The following CLSTN1 variants were observed in gnomAD, a reference collection of about 807,000 sequenced individuals.
CLSTN1 encodes calsyntenin-1.
Under a neutral mutation model 108.3 loss-of-function variants are expected in CLSTN1, and 28 were observed. The ratio of observed to expected loss-of-function variants is 0.26; its 90% CI spans 0.19 to 0.35. The LOEUF (loss-of-function observed/expected upper bound fraction) is 0.35, where lower values mean the gene tolerates loss of function less well. CLSTN1 is among the 10% of genes least tolerant of loss of function. The pLI, the probability that CLSTN1 is intolerant of heterozygous loss-of-function variation, is 1.00. For synonymous variants in CLSTN1, 524 were observed against 534.9 expected, an observed-to-expected ratio of 0.98 and a Z score of 0.28; for missense variants, 1,157 against 1,302.6, an observed-to-expected ratio of 0.89 and a Z score of 1.72.
intron 2 of CLSTN1, among the ~76,000 whole-genome samples, chr1:9,766,291 T>TC (rs1652327523): frequency 1.3e-5 from 2 of 152,232 alleles, no homozygotes; most frequent in African/African-American, 4.8e-5. Flanking sequence ...ACAGAATGCA[T>TC]CATCTTCAAG....
At chr1:9,770,998 TAAAAC>T (rs944565104) in intron 2 of CLSTN1, among the ~76,000 whole-genome samples, 10 of 151,566 alleles carry the variant, frequency 6.6e-5, no homozygotes, top group African/African-American at 2.2e-4. Context: ...GTCTCAAAAA[TAAAAC>T]AAAACAAAAT....
chr1:9,758,389 C>A (rs1419046823), intron 2 of CLSTN1, among the ~76,000 whole-genome samples: 1 of 152,116 alleles, frequency 6.6e-6, no homozygotes, highest in Non-Finnish European at 1.5e-5. Flanking sequence ...TCTCAGCTCA[C>A]TGCAACCTCC....
At chr1:9,739,534 C>CA (rs1431279897) in intron 10 of CLSTN1, among the ~76,000 whole-genome samples, 2 of 152,020 alleles carry the variant, frequency 1.3e-5, no homozygotes, top group Non-Finnish European at 2.9e-5. Flanking sequence ...CTCCATGGCA[C>CA]AAAAAAGGGC....
At chr1:9,738,943 C>T (rs1224858854) in intron 10 of CLSTN1, among the ~76,000 whole-genome samples, 7 of 152,148 alleles carry the variant, frequency 4.6e-5, no homozygotes, top group Non-Finnish European at 8.8e-5. Flanking sequence ...TGAGCCACTG[C>T]GCACGGTCAT....
intron 1 of CLSTN1, among the ~76,000 whole-genome samples, chr1:9,777,472 A>G (rs537257989): frequency 2.6e-5 from 4 of 152,194 alleles, no homozygotes; most frequent in African/African-American, 9.6e-5. Context: ...GCAGTGAGCC[A>G]AGATCTCGCC....
At chr1:9,792,077 G>A (rs1234726674) in intron 1 of CLSTN1, among the ~76,000 whole-genome samples, 11 of 150,956 alleles carry the variant, frequency 7.3e-5, no homozygotes, top group Admixed American at 5.4e-4. Context: ...TGCTACTCAG[G>A]AGGCTGGGGC....
intron 1 of CLSTN1, among the ~76,000 whole-genome samples, chr1:9,809,301 C>T (rs1052036432): frequency 6.6e-6 from 1 of 152,220 alleles, no homozygotes; most frequent in African/African-American, 2.4e-5. Context: ...CTGCCTTACT[C>T]GCCTGATGGT....
chr1:9,805,359 C>A (rs1295523672), intron 1 of CLSTN1, among the ~76,000 whole-genome samples: 1 of 152,086 alleles, frequency 6.6e-6, no homozygotes, highest in Admixed American at 6.6e-5. Context: ...AGGACTCCTG[C>A]GGGGGCAGGG....
chr1:9,744,756 C>T, intron 7 of CLSTN1, 113 bp from the exon 8 acceptor site: 1 of 1,046,890 alleles, frequency 9.6e-7, no homozygotes, highest in Non-Finnish European at 1.3e-6. Context: ...CTCCAGTTTA[C>T]TTTTTTTTTT....
At chr1:9,771,138 A>G (rs1003124042) in intron 2 of CLSTN1, among the ~76,000 whole-genome samples, 1 of 152,248 alleles carries the variant, frequency 6.6e-6, no homozygotes, top group African/African-American at 2.4e-5. Context: ...CTGGACTGCA[A>G]TCACTTCTTG....
intron 10 of CLSTN1, among the ~76,000 whole-genome samples, chr1:9,738,429 G>T (rs1442575683): frequency 6.6e-6 from 1 of 152,182 alleles, no homozygotes; most frequent in Non-Finnish European, 1.5e-5. Context: ...GCATCAAGGG[G>T]CAAGGCTAGA....
At chr1:9,803,971 T>C (rs901352829) in intron 1 of CLSTN1, among the ~76,000 whole-genome samples, 1 of 152,216 alleles carries the variant, frequency 6.6e-6, no homozygotes, top group Non-Finnish European at 1.5e-5. Flanking sequence ...CAGGAAAATA[T>C]TAATATGGTG....
chr1:9,756,748 A>G (rs1651825644), intron 2 of CLSTN1, among the ~76,000 whole-genome samples: 1 of 152,162 alleles, frequency 6.6e-6, no homozygotes, highest in South Asian at 2.1e-4. Flanking sequence ...AAATACTCCT[A>G]CATGAAGTGT....
At position 9,739,138 on chromosome 1, in the gene CLSTN1, A is replaced by G. The variant is rs540388808; in HGVS notation, c.1520-1584T>C. ...TCCATGAACTTGGATGGGAAAAATT[A>G]CATGCTTATTTCCACTAACTTCTGA... On this transcript the variant is annotated intron_variant, in intron 10 of 18. Coordinates refer to ENST00000377298, the MANE Select transcript of CLSTN1 (RefSeq NM_001009566.3). Among the ~76,000 whole-genome samples, 9 of 152,342 alleles carry G rather than the reference A, an allele frequency of 5.9e-5. No individual in the cohort carries two copies. In the East Asian group the frequency reaches 1.7e-3, roughly 29 times the overall value.
At chr1:9,766,824 G>A (rs756954517) in intron 2 of CLSTN1, among the ~76,000 whole-genome samples, 78 of 152,332 alleles carry the variant, frequency 5.1e-4, no homozygotes, top group Middle Eastern at 3.4e-3. Context: ...TTCACCCCAA[G>A]GAAACAATCC....
intron 1 of CLSTN1, among the ~76,000 whole-genome samples, chr1:9,808,959 C>T (rs1001013332): frequency 1.3e-5 from 2 of 151,954 alleles, no homozygotes; most frequent in African/African-American, 4.8e-5. Context: ...AACCCTTTTC[C>T]CCTTCTCCTT....
At position 9,729,022 on chromosome 1, in the gene CLSTN1, G is replaced by GTA. The variant is rs1401215583; in HGVS notation, c.*1485_*1486insTA. The GTA allele has an allele frequency of 6.6e-6, 1 of 152,208 alleles. No individual in the cohort carries two copies. The highest frequency in any genetic ancestry group is 2.4e-5 in the African/African-American group (1 of 41,438). The allele number at this position is 152,208 out of a possible 1,614,324, so 9.4% of individuals were successfully genotyped here. A position where few individuals can be genotyped will look rare whatever the true frequency, so the allele number is the denominator to read the frequency against. ...AGAGAAGACAAACCCCGCTCCGGCT[G>GTA]GAGTTAGTTAGAACCAGAACTTTAT... On this transcript the variant is annotated 3_prime_UTR_variant, in exon 19 of 19. Coordinates refer to ENST00000377298, the MANE Select transcript of CLSTN1 (RefSeq NM_001009566.3).
At position 9,736,055 on chromosome 1, in the gene CLSTN1, G is replaced by T. The variant is rs1032334419; in HGVS notation, c.1577-13C>A. On this transcript the variant is annotated splice_polypyrimidine_tract_variant and intron_variant, in intron 11 of 18. Transcript: ENST00000377298. ...TGCAGGTCGCCACCTTTGGGTCAGG[G>T]GAGAAAAGGCGAAGTCAGGCGTGCA... is the stretch of plus-strand genomic sequence containing the variant. The T allele has an allele frequency of 2.5e-6, 4 of 1,614,088 alleles. No individual in the cohort carries two copies. The highest frequency in any genetic ancestry group is 2.7e-5 in the African/African-American group (2 of 75,038).
chr1:9,820,911 G>A (rs12125351), intron 1 of CLSTN1, among the ~76,000 whole-genome samples: 1 of 152,122 alleles, frequency 6.6e-6, no homozygotes, highest in Non-Finnish European at 1.5e-5. Flanking sequence ...GGATGGTGAG[G>A]GGAGGTCTCA....
Sources: allele counts gnomAD v4.1 joint callset (sites outside exome capture counted in the v4.1 genomes callset), GRCh38; gene constraint gnomAD v4.1.1; transcripts MANE v1.5; gene names NCBI Gene and HGNC (gene_info 2026-07-23, HGNC 2026-07-21).